DNER: variants seen among roughly 807,000 people sequenced by gnomAD.
DNER encodes the protein delta/notch like EGF repeat containing.
DNER carries 33 observed loss-of-function variants against 78.2 expected under a neutral mutation model. That is an observed-to-expected ratio of 0.42 (90% CI 0.32 to 0.56). DNER has a LOEUF of 0.56. DNER is among the 20% of genes least tolerant of loss of function. The pLI, the probability that DNER is intolerant of heterozygous loss-of-function variation, is 0.11. For missense variants in DNER, 918 were observed against 975.3 expected, an observed-to-expected ratio of 0.94 and a Z score of 0.78; for synonymous variants, 417 against 384.8, an observed-to-expected ratio of 1.08 and a Z score of -0.98.
intron 6 of DNER, among the ~76,000 whole-genome samples, chr2:229,489,750 G>A (rs1695357363): frequency 6.6e-6 from 1 of 152,134 alleles, no homozygotes; most frequent in African/African-American, 2.4e-5. Flanking sequence ...GGTCTCAGGA[G>A]AGCAGGCACA....
intron 5 of DNER, among the ~76,000 whole-genome samples, chr2:229,539,229 A>C (rs1165723899): frequency 6.6e-6 from 1 of 152,190 alleles, no homozygotes; most frequent in Non-Finnish European, 1.5e-5. Flanking sequence ...TGTTGCATTA[A>C]TGATGTAGAG....
At chr2:229,665,547 G>T (rs556051577) in intron 1 of DNER, among the ~76,000 whole-genome samples, 22 of 152,170 alleles carry the variant, frequency 1.4e-4, no homozygotes, top group African/African-American at 4.8e-4. Context: ...AGTCAACAGT[G>T]TCATAAAAAA....
intron 11 of DNER, among the ~76,000 whole-genome samples, chr2:229,379,701 C>T (rs1427816190): frequency 6.6e-6 from 1 of 152,040 alleles, no homozygotes; most frequent in African/African-American, 2.4e-5. Flanking sequence ...AAAACTGATC[C>T]CATTTTCTGG....
chr2:229,459,244 C>T (rs1393375622), intron 7 of DNER, among the ~76,000 whole-genome samples: 1 of 152,048 alleles, frequency 6.6e-6, no homozygotes, highest in African/African-American at 2.4e-5. Flanking sequence ...ATAACTAAAT[C>T]AAATTCTAAT....
rs147682664 is a variant in DNER at position 229,564,541 on chromosome 2, A to G, written c.848-17449T>C. Among the ~76,000 whole-genome samples, 429 of 149,978 alleles carry G rather than the reference A, an allele frequency of 2.9e-3. 5 individuals are homozygous for G. The highest frequency in any genetic ancestry group is 2.9e-3 in the Non-Finnish European group (193 of 67,560). On this transcript the variant is annotated intron_variant, in intron 4 of 12. Coordinates refer to ENST00000341772, the MANE Select transcript of DNER (RefSeq NM_139072.4). The stretch of plus-strand genomic sequence containing the variant: ...TCCTTACCCCATCACCATCATCATC[A>G]TCATCCTCACCCCATTACCATCATC...
chr2:229,543,426 A>T (rs1337661215), intron 5 of DNER, among the ~76,000 whole-genome samples: 2 of 152,248 alleles, frequency 1.3e-5, no homozygotes, highest in African/African-American at 4.8e-5. Context: ...ACATTAAAGT[A>T]ACATGACGAC....
intron 4 of DNER, among the ~76,000 whole-genome samples, chr2:229,557,310 G>A (rs1279210338): frequency 1.3e-5 from 2 of 152,200 alleles, no homozygotes; most frequent in Non-Finnish European, 2.9e-5. Flanking sequence ...CTTCCTTAAT[G>A]GTAGGAAGTC....
At chr2:229,495,183 T>G (rs556403373) in intron 6 of DNER, among the ~76,000 whole-genome samples, 1 of 152,350 alleles carries the variant, frequency 6.6e-6, no homozygotes, top group East Asian at 1.9e-4. Context: ...AACACTTTGC[T>G]TGGAAATCTA....
chr2:229,479,629 T>C (rs146570945), intron 6 of DNER, among the ~76,000 whole-genome samples: 1,563 of 151,368 alleles, frequency 0.01, 9 homozygotes, highest in Non-Finnish European at 0.016. Context: ...ACGAGAGTCA[T>C]TTGAACCGAG....
rs573115527 is a variant in DNER, at chr2:229,468,180, A to G, written c.1261+8960T>C. On this transcript the variant is annotated intron_variant, in intron 7 of 12. Transcript: ENST00000341772. ...CTTCTTCATTCCTGGGCATGGGCCA[A>G]GCTATAGGAAGGAATTCAGTTCATG... 2.0e-5 allele frequency among the ~76,000 whole-genome samples: 3 copies of G among 152,376 alleles called. No homozygotes were observed. The East Asian group carries it at 5.8e-4, about 29-fold the overall frequency.
intron 4 of DNER, chr2:229,580,246 T>G (rs1323564661): frequency 6.6e-6 from 1 of 152,160 alleles, no homozygotes; most frequent in Non-Finnish European, 1.5e-5. Context: ...CCATGGTTAA[T>G]TTGATGGCTA....
At chr2:229,441,195 G>A (rs75075788) in intron 8 of DNER, among the ~76,000 whole-genome samples, 9,049 of 151,826 alleles carry the variant, frequency 0.06, 542 homozygotes, top group African/African-American at 0.15. Flanking sequence ...CTTCCCCCAC[G>A]TATAAATCCA....
At chr2:229,520,617 A>AT (rs113435443) in intron 5 of DNER, among the ~76,000 whole-genome samples, 71 of 151,822 alleles carry the variant, frequency 4.7e-4, no homozygotes, top group East Asian at 3.9e-3. Flanking sequence ...TAAAACAAAC[A>AT]TTTTTTTTTA....
intron 8 of DNER, among the ~76,000 whole-genome samples, chr2:229,445,631 G>A (rs1469771253): frequency 6.6e-6 from 1 of 152,240 alleles, no homozygotes; most frequent in Non-Finnish European, 1.5e-5. Context: ...CAAAGACTGA[G>A]GTTTCCCAAA....
chr2:229,488,388 G>A (rs925385778), intron 6 of DNER, among the ~76,000 whole-genome samples: 1 of 152,182 alleles, frequency 6.6e-6, no homozygotes, highest in African/African-American at 2.4e-5. Flanking sequence ...GTGTGTACAT[G>A]TTTTGTGTTT....
At chr2:229,512,563 G>A (rs1695885777) in intron 6 of DNER, among the ~76,000 whole-genome samples, 1 of 152,106 alleles carries the variant, frequency 6.6e-6, no homozygotes, top group African/African-American at 2.4e-5. Context: ...TGGGGACTCA[G>A]GGGGAAGGGT....
chr2:229,539,819 T>C (rs1311007211), intron 5 of DNER, among the ~76,000 whole-genome samples: 1 of 152,146 alleles, frequency 6.6e-6, no homozygotes, highest in African/African-American at 2.4e-5. Flanking sequence ...CAGACATTTC[T>C]CTGGGCTCTC....
intron 4 of DNER, among the ~76,000 whole-genome samples, chr2:229,578,326 A>G (rs141266887): frequency 1.3e-5 from 2 of 152,308 alleles, no homozygotes; most frequent in East Asian, 3.9e-4. Flanking sequence ...AGGAGCTGGT[A>G]GTCAGACAGT....
chr2:229,444,946 G>T (rs1307509211), intron 8 of DNER, among the ~76,000 whole-genome samples: 1 of 152,152 alleles, frequency 6.6e-6, no homozygotes, highest in Non-Finnish European at 1.5e-5. Context: ...GTTGTTTTCT[G>T]GTCTTACAAT....
Sources: allele counts gnomAD v4.1 joint callset (sites outside exome capture counted in the v4.1 genomes callset), GRCh38; gene constraint gnomAD v4.1.1; transcripts MANE v1.5; gene names NCBI Gene and HGNC (gene_info 2026-07-23, HGNC 2026-07-21).